LRRTM4: variants seen among roughly 807,000 people sequenced by gnomAD.
LRRTM4 encodes the protein leucine rich repeat transmembrane neuronal 4, also known as leucine-rich repeat transmembrane neuronal protein 4.
LRRTM4 carries 25 observed loss-of-function variants against 47.6 expected under a neutral mutation model. The ratio of observed to expected loss-of-function variants is 0.53; its 90% CI spans 0.38 to 0.73. The LOEUF (loss-of-function observed/expected upper bound fraction) is 0.73, where lower values mean the gene tolerates loss of function less well. Ranked by LOEUF, LRRTM4 falls within the 30% of genes least tolerant of loss-of-function variation. The probability of loss-of-function intolerance (pLI) is 0.00; values close to 1 mark genes in which losing one functional copy is unlikely to be tolerated. For missense variants in LRRTM4, 638 were observed against 713.4 expected (o/e 0.89, Z 1.20); for synonymous variants, 311 against 269.5 (o/e 1.15, Z -1.51).
chr2:77,233,572 A>C (rs898951357), intron 3 of LRRTM4, among the ~76,000 whole-genome samples: 1 of 152,144 alleles, frequency 6.6e-6, no homozygotes, highest in African/African-American at 2.4e-5. Context: ...TTTATATTTC[A>C]AGTTTTCTAT....
chr2:76,890,996 G>T (rs1020069261), intron 3 of LRRTM4, among the ~76,000 whole-genome samples: 3 of 151,906 alleles, frequency 2.0e-5, no homozygotes, highest in African/African-American at 7.2e-5. Context: ...TGGGTCAGAG[G>T]AATGATTCCT....
chr2:77,063,436 C>A (rs1558558070), intron 3 of LRRTM4, among the ~76,000 whole-genome samples: 1 of 151,994 alleles, frequency 6.6e-6, no homozygotes, highest in Non-Finnish European at 1.5e-5. Flanking sequence ...ATTTCATAGG[C>A]CTCTCTGTTT....
chr2:77,003,213 G>A (rs762686914), intron 3 of LRRTM4, among the ~76,000 whole-genome samples: 1 of 151,462 alleles, frequency 6.6e-6, no homozygotes. Flanking sequence ...TTTTGTCCAC[G>A]TTTGTGTTTC....
intron 3 of LRRTM4, among the ~76,000 whole-genome samples, chr2:76,757,571 T>C (rs1313833637): frequency 6.6e-6 from 1 of 152,126 alleles, no homozygotes; most frequent in Non-Finnish European, 1.5e-5. Context: ...TTCTAAAGGC[T>C]TTCCTTCGGT....
At chr2:77,050,442 G>A (rs1028769680) in intron 3 of LRRTM4, among the ~76,000 whole-genome samples, 4 of 152,034 alleles carry the variant, frequency 2.6e-5, no homozygotes, top group Non-Finnish European at 4.4e-5. Context: ...ATAGCATATC[G>A]GTTTACCATT....
At chr2:77,502,384 A>G (rs1310020996) in intron 3 of LRRTM4, among the ~76,000 whole-genome samples, 1 of 151,528 alleles carries the variant, frequency 6.6e-6, no homozygotes, top group African/African-American at 2.4e-5. Context: ...GAAAAAATTT[A>G]TATTAAAAAA....
At chr2:76,908,598 T>C (rs1427876620) in intron 3 of LRRTM4, among the ~76,000 whole-genome samples, 1 of 152,064 alleles carries the variant, frequency 6.6e-6, no homozygotes, top group Non-Finnish European at 1.5e-5. Flanking sequence ...AAAACCCCAT[T>C]GTCTCAGCCC....
In LRRTM4 at chr2:77,104,766, T is replaced by G. The variant is rs376815603; in HGVS notation, c.1552-355850A>C. 4.0e-4 allele frequency among the ~76,000 whole-genome samples: 61 copies of G among 152,204 alleles called. No homozygotes were observed. In the East Asian group the frequency reaches 7.0e-3, roughly 17 times the overall value. ...CAGGGTTTATTCAGTGCAGTCCAATTCAGAGGTGAGCGCCAGGGTACCAAA... is the reference window on the plus strand; with the variant it reads ...CAGGGTTTATTCAGTGCAGTCCAATGCAGAGGTGAGCGCCAGGGTACCAAA... On this transcript the variant is annotated intron_variant, in intron 3 of 3. Transcript: ENST00000409884.
intron 3 of LRRTM4, among the ~76,000 whole-genome samples, chr2:77,329,327 C>G (rs1043232653): frequency 1.6e-4 from 24 of 152,142 alleles, no homozygotes; most frequent in Non-Finnish European, 3.4e-4. Flanking sequence ...CTAATGTGTG[C>G]TGGGCTAGGA....
In LRRTM4 at chr2:76,748,729, GCTGCCGAC is replaced by G. The variant is rs776842406; in HGVS notation, c.1731_1738del (p.Arg577SerfsTer89). 2 of 1,613,790 alleles carry G rather than the reference GCTGCCGAC, an allele frequency of 1.2e-6. No homozygotes were observed. The highest frequency in any genetic ancestry group is 3.3e-5 in the Admixed American group (2 of 60,026). ...AATTCTCTCTAGGTAGATGGCCGGT[GCTGCCGAC>G]CTGGCGATGGTGGCGATGAAGCTGT... On this transcript the variant is annotated frameshift_variant, in exon 4 of 4. Coordinates refer to ENST00000409884, the MANE Select transcript of LRRTM4 (RefSeq NM_001134745.3). LOFTEE classifies it high-confidence loss of function.
At chr2:76,810,188 T>G (rs768042343) in intron 3 of LRRTM4, among the ~76,000 whole-genome samples, 1 of 152,228 alleles carries the variant, frequency 6.6e-6, no homozygotes, top group Non-Finnish European at 1.5e-5. Flanking sequence ...ACTCACTAAC[T>G]GATGAACAAT....
chr2:76,909,074 C>A (rs1673954874), intron 3 of LRRTM4, among the ~76,000 whole-genome samples: 2 of 152,158 alleles, frequency 1.3e-5, no homozygotes, highest in Non-Finnish European at 2.9e-5. Context: ...GGAGGCATCA[C>A]ACTACCTGAC....
intron 3 of LRRTM4, among the ~76,000 whole-genome samples, chr2:77,027,211 C>T (rs1024195970): frequency 6.6e-6 from 1 of 151,990 alleles, no homozygotes; most frequent in African/African-American, 2.4e-5. Flanking sequence ...ATTTACATGC[C>T]TCTTCATACC....
At chr2:76,990,913 A>G (rs1223164683) in intron 3 of LRRTM4, among the ~76,000 whole-genome samples, 2 of 151,712 alleles carry the variant, frequency 1.3e-5, no homozygotes, top group Non-Finnish European at 3.0e-5. Flanking sequence ...AGCATGTCTC[A>G]GTAAATTAAA....
chr2:77,220,892 A>G (rs1457143284), intron 3 of LRRTM4, among the ~76,000 whole-genome samples: 1 of 152,196 alleles, frequency 6.6e-6, no homozygotes, highest in East Asian at 1.9e-4. Context: ...CAACTCCAAA[A>G]CACCTAATTG....
At chr2:76,915,446 C>A (rs113021505) in intron 3 of LRRTM4, among the ~76,000 whole-genome samples, 1 of 152,130 alleles carries the variant, frequency 6.6e-6, no homozygotes, top group Non-Finnish European at 1.5e-5. Flanking sequence ...TTTTCTTTAT[C>A]CATCTCAGGT....
chr2:76,754,420 A>G (rs1041376634), intron 3 of LRRTM4, among the ~76,000 whole-genome samples: 3 of 152,186 alleles, frequency 2.0e-5, no homozygotes, highest in Admixed American at 1.3e-4. Context: ...AAGAAAGGAT[A>G]TAATGGCTAA....
intron 3 of LRRTM4, among the ~76,000 whole-genome samples, chr2:77,001,045 C>T (rs887698608): frequency 1.3e-5 from 2 of 152,110 alleles, no homozygotes; most frequent in Non-Finnish European, 2.9e-5. Context: ...TTCCTAAGCC[C>T]AAAGGATACA....
chr2:77,398,765 C>T lies in LRRTM4; in HGVS notation c.1551+119553G>A, dbSNP rs567626041. On this transcript the variant is annotated intron_variant, in intron 3 of 3. Transcript: ENST00000409884. Reference sequence around the variant, plus strand: ...ACCTGACAGCAATAATTTAAACATACCCTGATAATGACCTTATGGTCTAAA... The same window carrying T: ...ACCTGACAGCAATAATTTAAACATATCCTGATAATGACCTTATGGTCTAAA... Among the ~76,000 whole-genome samples, 181 of 151,816 alleles carry T rather than the reference C, an allele frequency of 1.2e-3. 1 individual carries two copies. The Middle Eastern group carries it at 0.017, about 14-fold the overall frequency.
Sources: gnomAD v4.1 joint callset for allele counts (sites outside exome capture counted in the v4.1 genomes callset) on GRCh38, gnomAD v4.1.1 for gene constraint, MANE v1.5 for transcripts, NCBI Gene and HGNC (gene_info 2026-07-23, HGNC 2026-07-21) for gene names.